Variants in SPTAN1 observed in about 807,000 individuals in gnomAD.
The protein encoded by SPTAN1 is spectrin alpha chain, non-erythrocytic 1.
A neutral mutation model predicts 331.3 loss-of-function variants in SPTAN1; 61 were observed. That is an observed-to-expected ratio of 0.18 (90% CI 0.15 to 0.23). The LOEUF (loss-of-function observed/expected upper bound fraction) is 0.23. Among genes scored for constraint, SPTAN1 ranks in the 10% least tolerant of loss-of-function variants. SPTAN1 has a pLI of 1.00. For missense variants in SPTAN1, 2,043 were observed against 3,147.9 expected, an observed-to-expected ratio of 0.65 and a Z score of 8.40; for synonymous variants, 1,153 against 1,173.9, an observed-to-expected ratio of 0.98 and a Z score of 0.36.
intron 38 of SPTAN1, 38 bp downstream of exon 38, chr9:128,611,883 T>C (rs372399781): frequency 6.2e-7 from 1 of 1,613,986 alleles, no homozygotes; most frequent in Non-Finnish European, 8.5e-7. Context: ...GGGAGGAAGA[T>C]GACCACCGTC....
chr9:128,574,871 T>C, intron 4 of SPTAN1, 56 bp downstream of exon 4: 1 of 1,611,184 alleles, frequency 6.2e-7, no homozygotes, highest in Non-Finnish European at 8.5e-7. Context: ...GGGAAGAGAC[T>C]CCTCTGTGAT....
At chr9:128,589,860 C>T (rs1461151982) in intron 21 of SPTAN1, among the ~76,000 whole-genome samples, 2 of 152,246 alleles carry the variant, frequency 1.3e-5, no homozygotes, top group African/African-American at 4.8e-5. Context: ...CAGGCATGAG[C>T]CACCGCGCCT....
chr9:128,605,055 A>G lies in SPTAN1; in HGVS notation c.3741A>G (p.Glu1247=), dbSNP rs1248662462. ...TTAGAGATGCTGATGAAACCAAAGAATGGATTGAAGAGAAGAATCAAGCTC... is the reference window on the plus strand; with the variant it reads ...TTAGAGATGCTGATGAAACCAAAGAGTGGATTGAAGAGAAGAATCAAGCTC... The part of the protein sequence containing the change: ...RFHRDADETK[E]WIEEKNQALN... The change falls in exon 30 of 57, where the codon GAA becomes GAG. Residue 1247 remains glutamate, a synonymous_variant. Coordinates refer to ENST00000372739, the MANE Select transcript of SPTAN1 (RefSeq NM_001130438.3). 1 of 1,614,040 alleles carries G rather than the reference A, an allele frequency of 6.2e-7. No individual in the cohort carries two copies. Among genetic ancestry groups the G allele is most frequent in the African/African-American group, 1.3e-5 (1 of 74,914 alleles).
intron 15 of SPTAN1, 115 bp downstream of exon 15, chr9:128,583,396 C>T (rs1328006761): frequency 4.7e-6 from 5 of 1,070,414 alleles, no homozygotes; most frequent in South Asian, 1.3e-5. Flanking sequence ...ATGACTTTGG[C>T]GTTAGGGATA....
At position 128,598,981 on chromosome 9, in the gene SPTAN1, C is replaced by T. The variant is rs1554754141; in HGVS notation, c.3538C>T (p.Pro1180Ser). 6.2e-7 allele frequency: 1 copy of T among 1,613,820 alleles called. No individual in the cohort carries two copies. Among genetic ancestry groups the T allele is most frequent in the Non-Finnish European group, 8.5e-7 (1 of 1,179,778 alleles). Residue 1180 changes from proline to serine, a missense_variant, in exon 26 of 57, where the codon CCC becomes TCC. Pro to Ser is a moderately conservative substitution (Grantham distance 74). This residue lies in a region of SPTAN1 where 1,038 missense variants were observed against 1,531.5 expected (regional missense o/e 0.68). Transcript: ENST00000372739. ...VQQQEVYGMM[P>S]RDETDSKTAS... ...CTTGTAGGAAGTGTATGGCATGATG[C>T]CCAGGGTAAGTTTCGGGTGCTGTGT...
chr9:128,604,959 TAAA>T (rs1855633639), intron 29 of SPTAN1, 72 bp from the exon 30 acceptor site: 27 of 1,419,658 alleles, frequency 1.9e-5, no homozygotes, highest in Non-Finnish European at 2.4e-5. Flanking sequence ...AATAAATAAA[TAAA>T]TTTTTTTTAG....
chr9:128,633,403 T>G lies in SPTAN1; in HGVS notation c.*69T>G, dbSNP rs1860156579. ...GCCTTGCTGCATGTCCGCTCCTCTG[T>G]GTGCTCTCACTTTCCACTGTAACCT... On this transcript the variant is annotated 3_prime_UTR_variant, in exon 57 of 57. Transcript: ENST00000372739. 3 of 1,608,946 alleles carry G rather than the reference T, an allele frequency of 1.9e-6. No individual in the cohort carries two copies. Among genetic ancestry groups the G allele is most frequent in the Non-Finnish European group, 2.5e-6 (3 of 1,178,640 alleles).
In SPTAN1 at chr9:128,628,060, A is replaced by G. The variant is rs114576138; in HGVS notation, c.6707+118A>G. ...GGCCTTCCTGCCCAGGGCGGGCTGC[A>G]CTTCCCCTCCCACCCTTCTCGTCAC... On this transcript the variant is annotated intron_variant, in intron 51 of 56. Transcript: ENST00000372739. 6,290 of 1,259,462 alleles carry G rather than the reference A, an allele frequency of 5.0e-3. 220 individuals are homozygous for G. In the African/African-American group the frequency reaches 0.081, roughly 16 times the overall value. 78.0% of individuals were successfully genotyped at this position (1,259,462 alleles called of 1,614,324 possible).
intron 3 of SPTAN1, among the ~76,000 whole-genome samples, 199 bp from the exon 4 acceptor site, chr9:128,574,476 A>G (rs1405008458): frequency 2.0e-5 from 3 of 152,044 alleles, no homozygotes; most frequent in Non-Finnish European, 4.4e-5. Flanking sequence ...CTTGAAGACC[A>G]CCAAAAAACC....
chr9:128,600,101 G>A lies in SPTAN1; in HGVS notation c.3565G>A (p.Ala1189Thr), dbSNP rs1184414958. The change falls in exon 27 of 57, where the codon GCC (alanine) becomes ACC (threonine). Residue 1189 changes from alanine (A) to threonine (T), a missense_variant. Physicochemically the swap from Ala to Thr is moderately conservative, Grantham distance 58. Coordinates refer to ENST00000372739, the MANE Select transcript of SPTAN1 (RefSeq NM_001130438.3). ...MPRDETDSKT[A>T]SPWKSARLMV... The stretch of plus-strand genomic sequence containing the variant: ...ATAGGATGAAACTGATTCCAAGACA[G>A]CCTCCCCGTGGAAGGTAAGAACTCC... 6.2e-7 allele frequency: 1 copy of A among 1,614,228 alleles called. No individual in the cohort carries two copies. The highest frequency in any genetic ancestry group is 1.3e-5 in the African/African-American group (1 of 75,062).
At chr9:128,564,168 C>A (rs1326324952) in intron 1 of SPTAN1, among the ~76,000 whole-genome samples, 4 of 152,076 alleles carry the variant, frequency 2.6e-5, no homozygotes, top group African/African-American at 9.7e-5. Flanking sequence ...CGCCTGTAAT[C>A]TTAGCACTTT....
intron 4 of SPTAN1, 134 bp downstream of exon 4, chr9:128,574,949 GTC>G (rs1851139173): frequency 7.3e-7 from 1 of 1,371,840 alleles, no homozygotes; most frequent in South Asian, 1.2e-5. Flanking sequence ...TGGGGTTGCT[GTC>G]TCTCCAGCTG....
At chr9:128,611,534 C>A (rs923937046) in intron 37 of SPTAN1, 180 bp from the exon 38 acceptor site, 23 of 706,418 alleles carry the variant, frequency 3.3e-5, no homozygotes, top group Non-Finnish European at 5.6e-5. Context: ...TTTGCTAACT[C>A]CCCAAGAGAT....
chr9:128,633,127 C>A, intron 56 of SPTAN1, 82 bp from the exon 57 acceptor site: 4 of 1,607,976 alleles, frequency 2.5e-6, no homozygotes, highest in Non-Finnish European at 3.4e-6. Flanking sequence ...GCTCCGAGCC[C>A]CCAGCATCCT....
chr9:128,617,972 G>A lies in SPTAN1; in HGVS notation c.5479-15G>A, dbSNP rs377449636. On this transcript the variant is annotated splice_polypyrimidine_tract_variant and intron_variant, in intron 42 of 56. Transcript: ENST00000372739. ...AGAGCTACCTGCTGTTAACCTCCTC[G>A]TCCTTGCCTGTCAGGGTGTCCTGGA... The A allele has an allele frequency of 1.2e-4, 200 of 1,614,128 alleles. 3 individuals are homozygous for A. The South Asian group carries it at 1.6e-3, about 13-fold the overall frequency.
At chr9:128,626,319 AC>A in intron 48 of SPTAN1, 71 bp from the exon 49 acceptor site, 1 of 1,580,514 alleles carries the variant, frequency 6.3e-7, no homozygotes, top group Non-Finnish European at 8.6e-7. Flanking sequence ...ACCACCCCGC[AC>A]CCCACCTCCT....
chr9:128,580,804 C>A (rs535138339), intron 10 of SPTAN1, 118 bp from the exon 11 acceptor site: 2 of 1,438,048 alleles, frequency 1.4e-6, no homozygotes, highest in South Asian at 2.3e-5. Flanking sequence ...TTTTGCAAAT[C>A]GGAAAAAAGG....
At position 128,626,559 on chromosome 9, in the gene SPTAN1, G is replaced by A; in HGVS notation, c.6448G>A (p.Ala2150Thr). Residue 2150 changes from alanine (A) to threonine (T), a missense_variant, in exon 49 of 57, where the codon GCT (alanine) becomes ACT (threonine). Around this residue, in one of 12 missense-constraint regions of SPTAN1, gnomAD observed 256 missense variants for 376.4 expected, o/e 0.68. Coordinates refer to ENST00000372739, the MANE Select transcript of SPTAN1 (RefSeq NM_001130438.3). The stretch of plus-strand genomic sequence containing the variant: ...CCGCTCCTCCCTCAGCTCTGCCCAG[G>A]CTGACTTCAACCAGCTGGCCGAGCT... ...AFRSSLSSAQ[A>T]DFNQLAELDR... The A allele has an allele frequency of 6.2e-7, 1 of 1,614,082 alleles. No individual in the cohort carries two copies. Among genetic ancestry groups the A allele is most frequent in the South Asian group, 1.1e-5 (1 of 91,088 alleles).
At chr9:128,569,382 T>TA (rs1245221379) in intron 3 of SPTAN1, among the ~76,000 whole-genome samples, 1 of 152,196 alleles carries the variant, frequency 6.6e-6, no homozygotes, top group East Asian at 1.9e-4. Context: ...GTGTGGCACC[T>TA]ATTGGTCAAT....
Sources: allele counts gnomAD v4.1 joint callset (sites outside exome capture counted in the v4.1 genomes callset), GRCh38; gene constraint gnomAD v4.1.1; regional missense constraint gnomAD v4.1.1; transcripts MANE v1.5; gene names NCBI Gene and HGNC (gene_info 2026-07-23, HGNC 2026-07-21).